The following PTPRD variants were observed in gnomAD, a reference collection of about 807,000 sequenced individuals.
The protein encoded by PTPRD is protein tyrosine phosphatase receptor type D, also known as receptor-type tyrosine-protein phosphatase delta.
A neutral mutation model predicts 214.5 loss-of-function variants in PTPRD; 34 were observed. That is an observed-to-expected ratio of 0.16 (90% CI 0.12 to 0.21). The LOEUF (loss-of-function observed/expected upper bound fraction) is 0.21. Among genes scored for constraint, PTPRD ranks in the 10% least tolerant of loss-of-function variants. The pLI is 1.00. For synonymous variants in PTPRD, 1,128 were observed against 845.7 expected (o/e 1.33, Z -5.79); for missense variants, 2,545 against 2,398.7 (o/e 1.06, Z -1.27).
At chr9:9,797,799 G>C (rs996768348) in intron 5 of PTPRD, among the ~76,000 whole-genome samples, 1 of 152,102 alleles carries the variant, frequency 6.6e-6, no homozygotes, top group Admixed American at 6.6e-5. Flanking sequence ...AGTAAGCTGA[G>C]ATCGCGCCAT....
intron 3 of PTPRD, among the ~76,000 whole-genome samples, chr9:10,042,054 G>C (rs901377549): frequency 1.1e-4 from 16 of 152,030 alleles, no homozygotes; most frequent in African/African-American, 3.6e-4. Flanking sequence ...ATAATGTTAA[G>C]AAATAGGGCA....
At chr9:8,781,865 T>G (rs931701838) in intron 11 of PTPRD, among the ~76,000 whole-genome samples, 1 of 152,184 alleles carries the variant, frequency 6.6e-6, no homozygotes, top group African/African-American at 2.4e-5. Context: ...TCCATGTCAC[T>G]CTGTATGCCT....
At chr9:10,375,143 C>G (rs2097703076) in intron 2 of PTPRD, among the ~76,000 whole-genome samples, 1 of 152,004 alleles carries the variant, frequency 6.6e-6, no homozygotes, top group African/African-American at 2.4e-5. Flanking sequence ...ACTTTTTCTA[C>G]ATGGCAACAT....
chr9:10,506,916 T>G (rs966804752), intron 2 of PTPRD, among the ~76,000 whole-genome samples: 17 of 152,124 alleles, frequency 1.1e-4, no homozygotes, highest in African/African-American at 3.4e-4. Flanking sequence ...GGGGCATATA[T>G]TGAATACCCT....
chr9:8,643,464 T>C (rs191640454), intron 12 of PTPRD, among the ~76,000 whole-genome samples: 71 of 152,268 alleles, frequency 4.7e-4, no homozygotes, highest in Admixed American at 1.1e-3. Context: ...TCTGATCTAA[T>C]TGTGAACCCC....
chr9:9,746,809 T>G (rs545752622), intron 6 of PTPRD, among the ~76,000 whole-genome samples: 15 of 147,488 alleles, frequency 1.0e-4, no homozygotes, highest in African/African-American at 3.9e-4. Context: ...AAGATGTGCT[T>G]GAAAAGTTTT....
intron 8 of PTPRD, among the ~76,000 whole-genome samples, chr9:9,427,973 G>C (rs920488091): frequency 2.0e-5 from 3 of 152,174 alleles, no homozygotes; most frequent in Admixed American, 6.5e-5. Context: ...GAATTGTAAA[G>C]ACCATCAATG....
intron 39 of PTPRD, among the ~76,000 whole-genome samples, chr9:8,355,578 G>C (rs2076774837): frequency 6.6e-6 from 1 of 152,138 alleles, no homozygotes; most frequent in Non-Finnish European, 1.5e-5. Context: ...CTAGAAGATG[G>C]GAAACAGTTA....
intron 5 of PTPRD, among the ~76,000 whole-genome samples, chr9:9,842,089 T>C (rs2058464095): frequency 6.6e-6 from 1 of 152,010 alleles, no homozygotes; most frequent in South Asian, 2.1e-4. Context: ...TTTTTGGATG[T>C]ATATATACAT....
intron 9 of PTPRD, among the ~76,000 whole-genome samples, chr9:9,344,677 A>G (rs1222191032): frequency 6.6e-6 from 1 of 152,124 alleles, no homozygotes; most frequent in East Asian, 1.9e-4. Context: ...ACTTACTTTT[A>G]ACTTTTAAAA....
At chr9:9,496,803 C>A (rs140687476) in intron 8 of PTPRD, among the ~76,000 whole-genome samples, 198 of 152,232 alleles carry the variant, frequency 1.3e-3, no homozygotes, top group Non-Finnish European at 2.4e-3. Flanking sequence ...TTTATACACC[C>A]ATGTTTAGTG....
intron 5 of PTPRD, among the ~76,000 whole-genome samples, chr9:9,802,188 G>C (rs139376470): frequency 1.3e-5 from 2 of 151,750 alleles, no homozygotes; most frequent in Admixed American, 1.3e-4. Context: ...TTTAAACTCA[G>C]TTTAAAATTG....
chr9:9,757,504 A>G (rs1453726775), intron 6 of PTPRD, among the ~76,000 whole-genome samples: 3 of 152,318 alleles, frequency 2.0e-5, no homozygotes, highest in African/African-American at 7.2e-5. Flanking sequence ...AATAGGGAAG[A>G]CAACGATTTC....
intron 2 of PTPRD, among the ~76,000 whole-genome samples, chr9:10,541,936 G>A (rs1280730837): frequency 3.3e-5 from 5 of 151,996 alleles, no homozygotes; most frequent in Admixed American, 6.6e-5. Context: ...TAAAACTGAA[G>A]TTCCATTAAT....
At position 8,504,556 on chromosome 9, in the gene PTPRD, AC is replaced by A. The variant is rs1366514709; in HGVS notation, c.1678-152del. On this transcript the variant is annotated intron_variant, in intron 22 of 45. Transcript: ENST00000381196. ...GTCAATAGTGAGTATCCAGGGCTAT[AC>A]TAAGGAAATTATATAATGAAAATAT... The A allele has an allele frequency of 7.2e-6, 6 of 828,934 alleles. No individual in the cohort carries two copies. The African/African-American group carries it at 1.0e-4, about 14-fold the overall frequency. The allele number at this position is 828,934 out of a possible 1,614,324, so 51.3% of individuals were successfully genotyped here.
At chr9:10,022,595 T>A (rs888445040) in intron 4 of PTPRD, among the ~76,000 whole-genome samples, 2 of 152,172 alleles carry the variant, frequency 1.3e-5, no homozygotes, top group Admixed American at 6.5e-5. Flanking sequence ...GCACTTGTAG[T>A]GCACAGAATA....
intron 9 of PTPRD, among the ~76,000 whole-genome samples, chr9:9,190,401 T>A (rs976790305): frequency 7.2e-5 from 11 of 152,000 alleles, no homozygotes; most frequent in Non-Finnish European, 5.9e-5. Context: ...TCTCACGAGA[T>A]CCAGTGGGTT....
At chr9:10,333,371 G>A (rs577467550) in intron 3 of PTPRD, among the ~76,000 whole-genome samples, 2 of 151,860 alleles carry the variant, frequency 1.3e-5, no homozygotes, top group East Asian at 3.9e-4. Flanking sequence ...AGACATCAAA[G>A]TAGCTGTACC....
intron 12 of PTPRD, among the ~76,000 whole-genome samples, chr9:8,649,874 C>G (rs2096770611): frequency 6.6e-6 from 1 of 151,872 alleles, no homozygotes; most frequent in African/African-American, 2.4e-5. Context: ...AAAATATTTT[C>G]TTGGTACGCA....
Sources: allele counts gnomAD v4.1 joint callset (sites outside exome capture counted in the v4.1 genomes callset), GRCh38; gene constraint gnomAD v4.1.1; transcripts MANE v1.5; gene names NCBI Gene and HGNC (gene_info 2026-07-23, HGNC 2026-07-21).